Variants in TMC5 observed in about 807,000 individuals in gnomAD.
TMC5 encodes the protein transmembrane channel like 5, also known as transmembrane channel-like protein 5.
TMC5 carries 86 observed loss-of-function variants against 110.5 expected under a neutral mutation model. The ratio of observed to expected loss-of-function variants is 0.78; its 90% CI spans 0.65 to 0.93. TMC5 has a LOEUF of 0.93. Ranked by LOEUF, TMC5 falls within the 40% of genes least tolerant of loss-of-function variation. The pLI is 0.00. For missense variants in TMC5, 1,144 were observed against 1,222.8 expected, an observed-to-expected ratio of 0.94 and a Z score of 0.96; for synonymous variants, 455 against 439.5, an observed-to-expected ratio of 1.04 and a Z score of -0.44.
chr16:19,494,590 A>G (rs1969002371), intron 20 of TMC5, among the ~76,000 whole-genome samples: 1 of 152,092 alleles, frequency 6.6e-6, no homozygotes, highest in African/African-American at 2.4e-5. Context: ...GGGTGGATCA[A>G]GAGGTCAGGA....
At position 19,494,218 on chromosome 16, in the gene TMC5, T is replaced by G. The variant is rs148506100; in HGVS notation, c.2827-44T>G. On this transcript the variant is annotated intron_variant, in intron 19 of 21. Coordinates refer to ENST00000542583, the MANE Select transcript of TMC5 (RefSeq NM_001261841.2). ...TTTCTCAATTCCATACCATCATTCATTCATATTTTTGTTTCTTTCTGGTTT... is the reference window on the plus strand; with the variant it reads ...TTTCTCAATTCCATACCATCATTCAGTCATATTTTTGTTTCTTTCTGGTTT... The G allele has an allele frequency of 1.6e-5, 24 of 1,467,016 alleles. 1 individual carries two copies. In the African/African-American group the frequency reaches 1.8e-4, roughly 11 times the overall value. 90.9% of individuals were successfully genotyped at this position (1,467,016 alleles called of 1,614,324 possible).
chr16:19,428,308 CTT>C (rs34374548), intron 1 of TMC5, among the ~76,000 whole-genome samples: 46 of 131,412 alleles, frequency 3.5e-4, no homozygotes, highest in Admixed American at 4.6e-4. Context: ...TTTCCCAATT[CTT>C]TTTTTTTTTT....
chr16:19,459,831 T>C (rs1177824534), intron 5 of TMC5, among the ~76,000 whole-genome samples: 2 of 148,750 alleles, frequency 1.3e-5, no homozygotes, highest in East Asian at 4.0e-4. Flanking sequence ...GGTGGGAGGA[T>C]CGCTTAAGTC....
chr16:19,421,173 G>A lies in TMC5; in HGVS notation c.-308+3081G>A, dbSNP rs116116653. On this transcript the variant is annotated intron_variant, in intron 1 of 21. Coordinates refer to ENST00000542583, the MANE Select transcript of TMC5 (RefSeq NM_001261841.2). ...CAAAGCAGTAATTGTGATCCTGTCT[G>A]TTTTGAACATGTTGATTTTTTTTTC... 5.0e-3 allele frequency among the ~76,000 whole-genome samples: 759 copies of A among 152,230 alleles called. 6 individuals are homozygous for A. The highest frequency in any genetic ancestry group is 0.017 in the African/African-American group (710 of 41,538).
intron 5 of TMC5, among the ~76,000 whole-genome samples, chr16:19,459,441 T>C (rs1967964601): frequency 6.6e-6 from 1 of 152,086 alleles, no homozygotes; most frequent in African/African-American, 2.4e-5. Flanking sequence ...GTGAGAAGTC[T>C]CTCGAACCTG....
chr16:19,416,581 AG>A (rs1966878232), upstream of TMC5, among the ~76,000 whole-genome samples: 1 of 152,190 alleles, frequency 6.6e-6, no homozygotes, highest in African/African-American at 2.4e-5. Flanking sequence ...CCCACTTTGT[AG>A]GTTAATGGGG....
intron 20 of TMC5, among the ~76,000 whole-genome samples, chr16:19,496,490 A>G (rs1461796787): frequency 1.3e-5 from 2 of 152,180 alleles, no homozygotes; most frequent in East Asian, 3.8e-4. Context: ...TAAGGGATCT[A>G]GAGGCCTAAA....
At chr16:19,445,019 C>T (rs982590804) in intron 4 of TMC5, among the ~76,000 whole-genome samples, 6 of 152,094 alleles carry the variant, frequency 3.9e-5, no homozygotes, top group African/African-American at 1.4e-4. Context: ...TAATGCCATA[C>T]TCGGGAGGCT....
intron 2 of TMC5, among the ~76,000 whole-genome samples, chr16:19,438,407 AAG>A (rs1491353203): frequency 2.0e-4 from 14 of 71,540 alleles, no homozygotes; most frequent in South Asian, 1.9e-3. Context: ...AAAAAAAAAA[AAG>A]AAGAAAGAAA....
intron 2 of TMC5, among the ~76,000 whole-genome samples, chr16:19,435,149 T>C (rs1462912477): frequency 6.6e-6 from 1 of 151,936 alleles, no homozygotes; most frequent in African/African-American, 2.4e-5. Context: ...CCTGGGAGAA[T>C]CGGAAGGTTT....
chr16:19,449,629 A>G lies in TMC5; in HGVS notation c.1046A>G (p.Gln349Arg). ...LSECDWHKSP[Q>R]GQKLIASLIP... is the part of the protein sequence containing the mutation. Reference sequence around the variant, plus strand: ...GAATGTGATTGGCACAAGTCACCCCAAGGTAAGTGATATGGTTTGGCTCTG... The same window carrying G: ...GAATGTGATTGGCACAAGTCACCCCGAGGTAAGTGATATGGTTTGGCTCTG... Residue 349 changes from glutamine (Q) to arginine (R), a missense_variant and splice_region_variant, in exon 5 of 22, where the codon CAA (glutamine) becomes CGA (arginine). Coordinates refer to ENST00000542583, the MANE Select transcript of TMC5 (RefSeq NM_001261841.2). 6.2e-7 allele frequency: 1 copy of G among 1,613,976 alleles called. No individual in the cohort carries two copies. Among genetic ancestry groups the G allele is most frequent in the Non-Finnish European group, 8.5e-7 (1 of 1,179,904 alleles).
rs143313448 is a variant in TMC5 at position 19,441,293 on chromosome 16, T to G, written c.788+467T>G. Among the ~76,000 whole-genome samples the G allele has an allele frequency of 8.4e-3, 736 of 87,610 alleles. 5 individuals are homozygous for G. The highest frequency in any genetic ancestry group is 0.057 in the African/African-American group (674 of 11,780). 57.5% of individuals were successfully genotyped at this position (87,610 alleles called of 152,430 possible). A position where few individuals can be genotyped will look rare whatever the true frequency, so the allele number is the denominator to read the frequency against. ...TGAGATGTTTGCACCACTTCTTTGT[T>G]TTTTTTTTTGGTCATTTTTTTTTCT... On this transcript the variant is annotated intron_variant, in intron 3 of 21. Transcript: ENST00000542583.
upstream of TMC5, among the ~76,000 whole-genome samples, chr16:19,417,418 CAAA>C (rs34861075): frequency 2.6e-4 from 22 of 85,274 alleles, no homozygotes; most frequent in East Asian, 9.8e-4. Flanking sequence ...AACGCTGTCT[CAAA>C]AAAAAAAAAA....
At chr16:19,485,582 G>C (rs965694750) in intron 15 of TMC5, among the ~76,000 whole-genome samples, 1 of 152,178 alleles carries the variant, frequency 6.6e-6, no homozygotes, top group South Asian at 2.1e-4. Context: ...ACAGGCATGA[G>C]CCACCACGCC....
rs1967479331 is a variant in TMC5, at chr16:19,441,138, T to C, written c.788+312T>C. ...TCCACACTGTTTTGACCCTGCTACGTAGCCAACAAGGTTAAGACTTGACGC... is the reference window on the plus strand; with the variant it reads ...TCCACACTGTTTTGACCCTGCTACGCAGCCAACAAGGTTAAGACTTGACGC... On this transcript the variant is annotated intron_variant, in intron 3 of 21. Coordinates refer to ENST00000542583, the MANE Select transcript of TMC5 (RefSeq NM_001261841.2). Among the ~76,000 whole-genome samples the C allele has an allele frequency of 3.3e-5, 5 of 152,170 alleles. No individual in the cohort carries two copies. In the South Asian group the frequency reaches 1.0e-3, roughly 32 times the overall value.
Position 19,440,815 on chromosome 16 carries a change from G to T in TMC5, c.777G>T (p.Lys259Asn). The T allele has an allele frequency of 6.2e-7, 1 of 1,612,824 alleles. No homozygotes were observed. Among genetic ancestry groups the T allele is most frequent in the East Asian group, 2.2e-5 (1 of 44,878 alleles). The change falls in exon 3 of 22, where the codon AAG (lysine) becomes AAT (asparagine). Residue 259 changes from lysine to asparagine, a missense_variant. Transcript: ENST00000542583. ...GHDYGSSETP[K>N]MTRGVLSRTS... ...ATTATGGCTCTTCTGAGACCCCAAA[G>T]ATGACCAGGGGGTAAGTTCAGATAT...
At chr16:19,425,327 C>CTTTTTT (rs35472194) in intron 1 of TMC5, among the ~76,000 whole-genome samples, 3 of 124,550 alleles carry the variant, frequency 2.4e-5, no homozygotes, top group Non-Finnish European at 1.7e-5. Context: ...GTTGAGTTTG[C>CTTTTTT]TTTTTTTTTT....
rs1968994444 is a variant in TMC5 at position 19,494,373 on chromosome 16, C to G, written c.2931+7C>G. The G allele has an allele frequency of 3.1e-6, 5 of 1,610,124 alleles. No individual in the cohort carries two copies. The highest frequency in any genetic ancestry group is 3.4e-6 in the Non-Finnish European group (4 of 1,177,634). On this transcript the variant is annotated splice_region_variant and intron_variant, in intron 20 of 21. Coordinates refer to ENST00000542583, the MANE Select transcript of TMC5 (RefSeq NM_001261841.2). ...GGAAAGGAGAGAGGTGGAGGTGAGT[C>G]TGGAGGCTGCCTTGGGGACCCCTGG...
At chr16:19,471,008 C>T (rs1013949910) in intron 10 of TMC5, among the ~76,000 whole-genome samples, 2 of 152,052 alleles carry the variant, frequency 1.3e-5, no homozygotes, top group African/African-American at 4.8e-5. Context: ...TGCACTCCAG[C>T]CTGGGCAACA....
Sources: allele counts gnomAD v4.1 joint callset (sites outside exome capture counted in the v4.1 genomes callset), GRCh38; gene constraint gnomAD v4.1.1; transcripts MANE v1.5; gene names NCBI Gene and HGNC (gene_info 2026-07-23, HGNC 2026-07-21).